Variants in GPC6 observed in about 807,000 individuals in gnomAD.
GPC6 encodes glypican-6.
Under a neutral mutation model 55.2 loss-of-function variants are expected in GPC6, and 14 were observed. The ratio of observed to expected loss-of-function variants is 0.25; its 90% CI spans 0.17 to 0.40. The LOEUF (loss-of-function observed/expected upper bound fraction) is 0.40, where lower values mean the gene tolerates loss of function less well. Among genes scored for constraint, GPC6 ranks in the 10% least tolerant of loss-of-function variants. The pLI is 1.00. For missense variants in GPC6, 641 were observed against 708.5 expected, an observed-to-expected ratio of 0.90 and a Z score of 1.08; for synonymous variants, 278 against 259.6, an observed-to-expected ratio of 1.07 and a Z score of -0.68.
intron 2 of GPC6, among the ~76,000 whole-genome samples, chr13:93,563,027 T>G (rs1479853828): frequency 6.6e-6 from 1 of 152,192 alleles, no homozygotes; most frequent in East Asian, 1.9e-4. Context: ...GTTTCTGAAA[T>G]TAAATATTCT....
intron 1 of GPC6, among the ~76,000 whole-genome samples, chr13:93,508,069 G>T (rs906238094): frequency 3.3e-5 from 5 of 152,140 alleles, no homozygotes; most frequent in Non-Finnish European, 7.4e-5. Context: ...AGGGAGAGAA[G>T]ATTTAATTAA....
chr13:93,782,264 T>G (rs1311816404), intron 2 of GPC6, among the ~76,000 whole-genome samples: 4 of 152,178 alleles, frequency 2.6e-5, no homozygotes, highest in Non-Finnish European at 4.4e-5. Flanking sequence ...GACAGCATTT[T>G]CTTGTTTTTC....
intron 4 of GPC6, among the ~76,000 whole-genome samples, chr13:94,063,876 A>G (rs1223223746): frequency 2.0e-5 from 3 of 152,244 alleles, no homozygotes; most frequent in Admixed American, 1.3e-4. Flanking sequence ...TTCTTTCAAA[A>G]AAAAGATGCC....
rs182465612 is a variant in GPC6 at position 93,385,475 on chromosome 13, G to C, written c.160+157859G>C. On this transcript the variant is annotated intron_variant, in intron 1 of 8. Transcript: ENST00000377047. ...TAACAGCTGCAGAAAAAATGGTTTA[G>C]AGGCACCTAAAGAGGATGTGGAGAA... 3.1e-3 allele frequency among the ~76,000 whole-genome samples: 476 copies of C among 152,352 alleles called. 2 individuals carry two copies. Among genetic ancestry groups the C allele is most frequent in the African/African-American group, 0.01 (428 of 41,580 alleles).
chr13:93,325,780 C>A (rs1345633881), intron 1 of GPC6, among the ~76,000 whole-genome samples: 3 of 151,922 alleles, frequency 2.0e-5, no homozygotes, highest in Non-Finnish European at 4.4e-5. Context: ...AGTGGAGCAT[C>A]TTATTTGTGT....
chr13:94,324,297 A>T (rs9524438), intron 6 of GPC6, among the ~76,000 whole-genome samples: 2,597 of 149,858 alleles, frequency 0.017, 36 homozygotes, highest in East Asian at 0.067. Context: ...ACCGAGGACC[A>T]TCTATGAAAG....
At chr13:93,912,406 C>T (rs1170718274) in intron 3 of GPC6, among the ~76,000 whole-genome samples, 2 of 151,966 alleles carry the variant, frequency 1.3e-5, no homozygotes, top group Non-Finnish European at 2.9e-5. Context: ...TATTAATTTC[C>T]TACAGCGGCT....
chr13:94,303,922 CCATT>C (rs1377475278), intron 5 of GPC6, among the ~76,000 whole-genome samples: 1 of 152,188 alleles, frequency 6.6e-6, no homozygotes, highest in African/African-American at 2.4e-5. Flanking sequence ...ATTAAAAAGT[CCATT>C]AACTCTTTCA....
intron 4 of GPC6, among the ~76,000 whole-genome samples, chr13:94,216,263 G>C (rs962147517): frequency 6.6e-6 from 1 of 152,122 alleles, no homozygotes; most frequent in Non-Finnish European, 1.5e-5. Context: ...CTGTGACATG[G>C]TTATTATTTT....
intron 4 of GPC6, among the ~76,000 whole-genome samples, chr13:94,042,190 T>C (rs747083519): frequency 1.3e-5 from 2 of 151,740 alleles, no homozygotes; most frequent in Admixed American, 6.6e-5. Flanking sequence ...ACTCTAGCCA[T>C]GTAAAATATG....
At chr13:93,680,327 G>A (rs929669756) in intron 2 of GPC6, among the ~76,000 whole-genome samples, 7 of 152,094 alleles carry the variant, frequency 4.6e-5, no homozygotes, top group Admixed American at 3.3e-4. Context: ...AGAAGGAACC[G>A]ACTATGCCAA....
intron 3 of GPC6, among the ~76,000 whole-genome samples, chr13:93,832,905 G>C (rs1370795691): frequency 1.3e-5 from 2 of 152,126 alleles, no homozygotes; most frequent in Admixed American, 1.3e-4. Flanking sequence ...TGTGGGCATG[G>C]AATATAGTCC....
intron 2 of GPC6, among the ~76,000 whole-genome samples, chr13:93,742,160 C>T (rs150940285): frequency 6.6e-5 from 10 of 152,130 alleles, no homozygotes; most frequent in African/African-American, 1.9e-4. Flanking sequence ...TATTTTTATT[C>T]GTGGAGATCT....
chr13:93,910,643 A>G (rs1056732047), intron 3 of GPC6, among the ~76,000 whole-genome samples: 1 of 152,070 alleles, frequency 6.6e-6, no homozygotes. Flanking sequence ...GTGTTCCAAA[A>G]CAGCTCAGTC....
At chr13:94,313,792 C>A (rs556040571) in intron 6 of GPC6, among the ~76,000 whole-genome samples, 1 of 152,336 alleles carries the variant, frequency 6.6e-6, no homozygotes, top group East Asian at 1.9e-4. Flanking sequence ...CTCAGAAACA[C>A]TTAAGCAAGA....
chr13:93,523,034 AATAC>A (rs1881482028), intron 1 of GPC6, among the ~76,000 whole-genome samples: 1 of 147,294 alleles, frequency 6.8e-6, no homozygotes, highest in South Asian at 2.1e-4. Flanking sequence ...TATATATACA[AATAC>A]ATACACACAC....
At chr13:93,467,825 A>C (rs1234598458) in intron 1 of GPC6, among the ~76,000 whole-genome samples, 1 of 151,812 alleles carries the variant, frequency 6.6e-6, no homozygotes, top group Non-Finnish European at 1.5e-5. Context: ...TCCTAGGCTG[A>C]AGTGATTTTC....
At chr13:93,584,505 T>G (rs1350764744) in intron 2 of GPC6, among the ~76,000 whole-genome samples, 1 of 152,124 alleles carries the variant, frequency 6.6e-6, no homozygotes, top group Non-Finnish European at 1.5e-5. Flanking sequence ...ATGCATCTGT[T>G]TAAACACTTC....
chr13:93,636,761 T>G (rs1267062444), intron 2 of GPC6, among the ~76,000 whole-genome samples: 3 of 152,262 alleles, frequency 2.0e-5, no homozygotes, highest in Admixed American at 1.3e-4. Flanking sequence ...CAGGGAGAGA[T>G]AAATTATTAC....
Sources: gnomAD v4.1 joint callset for allele counts (sites outside exome capture counted in the v4.1 genomes callset) on GRCh38, gnomAD v4.1.1 for gene constraint, MANE v1.5 for transcripts, NCBI Gene and HGNC (gene_info 2026-07-23, HGNC 2026-07-21) for gene names.